The following MCTP1 variants were observed in gnomAD, a reference collection of about 807,000 sequenced individuals.
The protein encoded by MCTP1 is multiple C2 and transmembrane domain containing 1, also known as multiple C2 and transmembrane domain-containing protein 1.
Under a neutral mutation model 120.6 loss-of-function variants are expected in MCTP1, and 69 were observed. The ratio of observed to expected loss-of-function variants is 0.57; its 90% confidence interval spans 0.47 to 0.70. The LOEUF is 0.70. MCTP1 is among the 30% of genes least tolerant of loss of function. The pLI is 0.00. For missense variants in MCTP1, 1,203 were observed against 1,248.8 expected (o/e 0.96, Z 0.55); for synonymous variants, 529 against 493.1 (o/e 1.07, Z -0.96).
At chr5:94,743,003 A>C (rs1672297738) in intron 19 of MCTP1, among the ~76,000 whole-genome samples, 1 of 152,204 alleles carries the variant, frequency 6.6e-6, no homozygotes. Context: ...GGCATAAGAA[A>C]GGTGGGGAGA....
intron 8 of MCTP1, among the ~76,000 whole-genome samples, chr5:94,915,450 A>T (rs1809796453): frequency 6.6e-6 from 1 of 152,178 alleles, no homozygotes; most frequent in African/African-American, 2.4e-5. Context: ...TTACTTTTCT[A>T]TTATATGACC....
intron 17 of MCTP1, among the ~76,000 whole-genome samples, chr5:94,855,825 C>T (rs373166464): frequency 7.3e-5 from 11 of 151,668 alleles, no homozygotes; most frequent in African/African-American, 2.2e-4. Flanking sequence ...ATCTCAATAA[C>T]GTTTCTCTGA....
At chr5:94,858,284 C>T (rs979225897) in intron 17 of MCTP1, among the ~76,000 whole-genome samples, 1 of 151,630 alleles carries the variant, frequency 6.6e-6, no homozygotes, top group Non-Finnish European at 1.5e-5. Flanking sequence ...ACACAGTGAA[C>T]TCTTCAAGAG....
chr5:94,817,751 T>G (rs926788855), intron 17 of MCTP1, among the ~76,000 whole-genome samples: 1 of 152,260 alleles, frequency 6.6e-6, no homozygotes, highest in African/African-American at 2.4e-5. Flanking sequence ...ATATTTCCTC[T>G]TCTCATCTGA....
chr5:95,006,376 T>C (rs541910821), intron 2 of MCTP1, among the ~76,000 whole-genome samples: 1 of 151,928 alleles, frequency 6.6e-6, no homozygotes, highest in East Asian at 1.9e-4. Flanking sequence ...TATATATGTA[T>C]ATTAGAAGCT....
chr5:94,816,413 T>C (rs1490058935), intron 17 of MCTP1, among the ~76,000 whole-genome samples: 1 of 152,184 alleles, frequency 6.6e-6, no homozygotes, highest in Non-Finnish European at 1.5e-5. Flanking sequence ...TTAATGTTTA[T>C]CTCACTTCTA....
At chr5:94,846,468 A>G (rs1330315443) in intron 17 of MCTP1, among the ~76,000 whole-genome samples, 1 of 152,128 alleles carries the variant, frequency 6.6e-6, no homozygotes, top group Non-Finnish European at 1.5e-5. Flanking sequence ...ACGTGGACAC[A>G]GGGAGGGAAA....
chr5:95,159,571 G>C (rs532915229), intron 1 of MCTP1, among the ~76,000 whole-genome samples: 21 of 152,160 alleles, frequency 1.4e-4, no homozygotes, highest in South Asian at 6.2e-4. Flanking sequence ...CACAACAATG[G>C]TTCTAAAATG....
chr5:94,929,696 G>A (rs1402213273), intron 6 of MCTP1: 1 of 984,906 alleles, frequency 1.0e-6, no homozygotes, highest in Non-Finnish European at 1.2e-6. Flanking sequence ...ATGTAGCAGA[G>A]TGTGTGAAGG....
At chr5:95,149,883 C>T (rs1296701011) in intron 1 of MCTP1, among the ~76,000 whole-genome samples, 2 of 152,148 alleles carry the variant, frequency 1.3e-5, no homozygotes, top group African/African-American at 4.8e-5. Flanking sequence ...TTCCCCAGGG[C>T]TTTTCACTCT....
At chr5:95,027,825 T>C (rs1839542072) in intron 1 of MCTP1, among the ~76,000 whole-genome samples, 4 of 152,058 alleles carry the variant, frequency 2.6e-5, no homozygotes, top group Admixed American at 2.6e-4. Context: ...CAACAGAATA[T>C]AATACGAAAA....
At chr5:95,263,044 AG>A (rs375995878) in intron 1 of MCTP1, among the ~76,000 whole-genome samples, 96 of 152,304 alleles carry the variant, frequency 6.3e-4, no homozygotes, top group East Asian at 3.9e-3. Context: ...AAGTGTACGA[AG>A]GCTAAGCCTT....
intron 19 of MCTP1, among the ~76,000 whole-genome samples, chr5:94,732,198 C>G (rs1408682143): frequency 6.6e-6 from 1 of 152,210 alleles, no homozygotes; most frequent in African/African-American, 2.4e-5. Flanking sequence ...TTTTATTCTG[C>G]TAGGATACAG....
intron 14 of MCTP1, 102 bp from the exon 15 acceptor site, chr5:94,871,075 A>G: frequency 2.1e-6 from 2 of 945,604 alleles, no homozygotes; most frequent in East Asian, 2.4e-5. Flanking sequence ...CAGAGAACCC[A>G]AAACAACTGT....
chr5:95,150,692 A>G (rs982074199), intron 1 of MCTP1, among the ~76,000 whole-genome samples: 2 of 152,192 alleles, frequency 1.3e-5, no homozygotes, highest in African/African-American at 2.4e-5. Context: ...AAGTGAAAAG[A>G]ACACTCGAGT....
chr5:94,744,582 C>A (rs1766432086), intron 19 of MCTP1, among the ~76,000 whole-genome samples: 1 of 152,150 alleles, frequency 6.6e-6, no homozygotes, highest in Non-Finnish European at 1.5e-5. Flanking sequence ...CAGCTCACTG[C>A]AACCTCTGTC....
At chr5:94,939,537 T>C (rs1202536580) in intron 5 of MCTP1, among the ~76,000 whole-genome samples, 1 of 151,976 alleles carries the variant, frequency 6.6e-6, no homozygotes, top group Non-Finnish European at 1.5e-5. Flanking sequence ...CAGTTTCTCA[T>C]AGCAGCATGG....
chr5:95,235,016 C>T (rs1431900723), intron 1 of MCTP1, among the ~76,000 whole-genome samples: 1 of 151,890 alleles, frequency 6.6e-6, no homozygotes, highest in Non-Finnish European at 1.5e-5. Context: ...TAAACAAAGA[C>T]ATTATAAGAA....
chr5:94,962,923 G>A (rs1824646598), intron 2 of MCTP1, among the ~76,000 whole-genome samples: 1 of 152,102 alleles, frequency 6.6e-6, no homozygotes, highest in Non-Finnish European at 1.5e-5. Context: ...AGAAAAATGT[G>A]AGGTGGGCTC....
Sources: gnomAD v4.1 joint callset for allele counts (sites outside exome capture counted in the v4.1 genomes callset) on GRCh38, gnomAD v4.1.1 for gene constraint, MANE v1.5 for transcripts, NCBI Gene and HGNC (gene_info 2026-07-23, HGNC 2026-07-21) for gene names.